The following MYT1L variants were observed in gnomAD, a reference collection of about 807,000 sequenced individuals.
The protein encoded by MYT1L is myelin transcription factor 1 like.
MYT1L carries 12 observed loss-of-function variants against 126.7 expected under a neutral mutation model. That is an observed-to-expected ratio of 0.09 (90% CI 0.06 to 0.15). The LOEUF is 0.15. MYT1L is among the 10% of genes least tolerant of loss of function. The pLI is 1.00. For missense variants in MYT1L, 979 were observed against 1,585.2 expected, an observed-to-expected ratio of 0.62 and a Z score of 6.49; for synonymous variants, 541 against 604.2, an observed-to-expected ratio of 0.90 and a Z score of 1.53.
rs1217505229 is a variant in MYT1L, at chr2:2,265,029, A to ATTT, written c.-421+19372_-421+19374dup. Among the ~76,000 whole-genome samples, 304 of 144,448 alleles carry ATTT rather than the reference A, an allele frequency of 2.1e-3. 2 individuals are homozygous for ATTT. The highest frequency in any genetic ancestry group is 7.3e-3 in the African/African-American group (290 of 39,500). 94.8% of individuals were successfully genotyped at this position (144,448 alleles called of 152,430 possible). ...AGCAACTAAAATTCAGTCTTTTTTA[A>ATTT]TTTTTTTTTTTTTTTGAGATGGAGT... On this transcript the variant is annotated intron_variant, in intron 2 of 24. Coordinates refer to ENST00000647738, the MANE Select transcript of MYT1L (RefSeq NM_001303052.2).
intron 13 of MYT1L, among the ~76,000 whole-genome samples, chr2:1,904,716 C>T (rs1279163734): frequency 1.3e-5 from 2 of 151,964 alleles, no homozygotes; most frequent in Non-Finnish European, 2.9e-5. Flanking sequence ...CATCTGCCAT[C>T]TTTGTATTTT....
intron 22 of MYT1L, among the ~76,000 whole-genome samples, chr2:1,808,329 T>A (rs953801878): frequency 6.6e-6 from 1 of 152,242 alleles, no homozygotes; most frequent in African/African-American, 2.4e-5. Context: ...GTGTTTTCTC[T>A]GTGAGGCACA....
At chr2:1,808,190 TA>T (rs2036018738) in intron 22 of MYT1L, among the ~76,000 whole-genome samples, 2 of 152,208 alleles carry the variant, frequency 1.3e-5, no homozygotes. Context: ...AATGCACGAA[TA>T]CACCTGTTTT....
intron 8 of MYT1L, among the ~76,000 whole-genome samples, chr2:1,948,236 C>G (rs565607280): frequency 6.6e-6 from 1 of 152,190 alleles, no homozygotes; most frequent in African/African-American, 2.4e-5. Context: ...AATCATCTGG[C>G]GTCAAACTTC....
chr2:2,277,039 T>C (rs1400260681), intron 2 of MYT1L, among the ~76,000 whole-genome samples: 1 of 152,056 alleles, frequency 6.6e-6, no homozygotes, highest in Non-Finnish European at 1.5e-5. Context: ...TGGAGTGCAG[T>C]GGCGCAATCT....
At chr2:1,841,162 CT>C (rs1209689299) in intron 19 of MYT1L, 3,023 of 86,230 alleles carry the variant, frequency 0.035, 16 homozygotes, top group South Asian at 0.081. Context: ...ACCTCGGCCT[CT>C]TTTTTTTTTT....
At chr2:2,248,419 T>C (rs2094574700) in intron 2 of MYT1L, among the ~76,000 whole-genome samples, 1 of 152,020 alleles carries the variant, frequency 6.6e-6, no homozygotes, top group Non-Finnish European at 1.5e-5. Flanking sequence ...CAGGACCCAA[T>C]GGCTTCACTG....
chr2:1,885,816 G>A (rs191731015), intron 18 of MYT1L, among the ~76,000 whole-genome samples: 1 of 152,244 alleles, frequency 6.6e-6, no homozygotes, highest in Non-Finnish European at 1.5e-5. Context: ...CCCGGATTGC[G>A]GAGGCTTTGA....
intron 18 of MYT1L, among the ~76,000 whole-genome samples, chr2:1,862,004 T>G (rs977613170): frequency 1.3e-5 from 2 of 152,264 alleles, no homozygotes; most frequent in African/African-American, 2.4e-5. Flanking sequence ...TGGAATTCGC[T>G]GAGATTTTTC....
At chr2:2,217,377 A>G (rs2148951548) in intron 2 of MYT1L, among the ~76,000 whole-genome samples, 1 of 152,280 alleles carries the variant, frequency 6.6e-6, no homozygotes, top group East Asian at 1.9e-4. Context: ...CTTGTGACAA[A>G]TAAATTAAAA....
intron 4 of MYT1L, among the ~76,000 whole-genome samples, chr2:2,004,110 C>CAT: frequency 6.7e-6 from 1 of 148,440 alleles, no homozygotes; most frequent in East Asian, 2.0e-4. Flanking sequence ...TTCTTTCCTG[C>CAT]GTGCCTTCCT....
intron 1 of MYT1L, among the ~76,000 whole-genome samples, chr2:2,286,023 C>T (rs1452104324): frequency 2.0e-5 from 3 of 152,024 alleles, no homozygotes; most frequent in Non-Finnish European, 4.4e-5. Flanking sequence ...CACTCTGTCA[C>T]CCAGGCTGGA....
intron 18 of MYT1L, among the ~76,000 whole-genome samples, chr2:1,862,896 G>A (rs1419944353): frequency 1.3e-5 from 2 of 152,194 alleles, no homozygotes; most frequent in African/African-American, 2.4e-5. Flanking sequence ...GATGGGAGAA[G>A]AAGGAGAAAG....
chr2:2,101,210 G>A (rs1342500204), intron 3 of MYT1L, among the ~76,000 whole-genome samples: 2 of 151,790 alleles, frequency 1.3e-5, no homozygotes, highest in East Asian at 3.9e-4. Context: ...TTTTTTAAAT[G>A]CCTATTTGTA....
intron 15 of MYT1L, among the ~76,000 whole-genome samples, chr2:1,891,229 A>G (rs1213272031): frequency 6.6e-6 from 1 of 152,212 alleles, no homozygotes; most frequent in Non-Finnish European, 1.5e-5. Flanking sequence ...TGGTCCACTC[A>G]GGTACATGGC....
rs116538317 is a variant in MYT1L at position 2,129,564 on chromosome 2, T to C, written c.-304+43308A>G. Among the ~76,000 whole-genome samples, 1,095 of 152,342 alleles carry C rather than the reference T, an allele frequency of 7.2e-3. 15 individuals carry two copies. Among genetic ancestry groups the C allele is most frequent in the African/African-American group, 0.025 (1,035 of 41,586 alleles). On this transcript the variant is annotated intron_variant, in intron 3 of 24. Transcript: ENST00000647738. The stretch of plus-strand genomic sequence containing the variant: ...CCACACAGGAGAGAACACAGCCAGC[T>C]GGACAAGTGACCGCAGCCACAAACA...
chr2:2,175,821 C>A (rs2090683247), intron 2 of MYT1L, among the ~76,000 whole-genome samples: 1 of 152,232 alleles, frequency 6.6e-6, no homozygotes, highest in Admixed American at 6.5e-5. Context: ...GTCCTGGCCG[C>A]CTGTCCCCAT....
At chr2:2,250,032 A>G (rs1312922644) in intron 2 of MYT1L, among the ~76,000 whole-genome samples, 2 of 152,154 alleles carry the variant, frequency 1.3e-5, no homozygotes, top group Non-Finnish European at 2.9e-5. Context: ...CAAATGCTGG[A>G]TAGAATGTTG....
At chr2:1,890,702 C>A (rs910983284) in intron 15 of MYT1L, among the ~76,000 whole-genome samples, 3 of 152,040 alleles carry the variant, frequency 2.0e-5, no homozygotes, top group African/African-American at 7.3e-5. Flanking sequence ...CAAAGAGTGA[C>A]ACTCTCCTTA....
Sources: gnomAD v4.1 joint callset for allele counts (sites outside exome capture counted in the v4.1 genomes callset) on GRCh38, gnomAD v4.1.1 for gene constraint, MANE v1.5 for transcripts, NCBI Gene and HGNC (gene_info 2026-07-23, HGNC 2026-07-21) for gene names.